The following ATRN variants were observed in gnomAD, a reference collection of about 807,000 sequenced individuals.
The protein encoded by ATRN is attractin-2.
In ATRN, 54 loss-of-function variants were observed where a neutral mutation model predicts 178.7. That is an observed-to-expected ratio of 0.30 (90% CI 0.24 to 0.38). The LOEUF (loss-of-function observed/expected upper bound fraction) is 0.38. Ranked by LOEUF, ATRN falls within the 10% of genes least tolerant of loss-of-function variation. ATRN has a pLI of 1.00. For synonymous variants in ATRN, 636 were observed against 663.0 expected (o/e 0.96, Z 0.63); for missense variants, 1,443 against 1,815.1 (o/e 0.79, Z 3.73).
intron 15 of ATRN, 42 bp downstream of exon 15, chr20:3,578,814 CT>C (rs775472482): frequency 3.8e-6 from 6 of 1,563,646 alleles, no homozygotes; most frequent in Non-Finnish European, 5.2e-6. Context: ...GGTTATCCAC[CT>C]TTCTACCAAG....
At chr20:3,640,748 G>C (rs1356654370) in intron 27 of ATRN, among the ~76,000 whole-genome samples, 2 of 152,196 alleles carry the variant, frequency 1.3e-5, no homozygotes, top group Admixed American at 1.3e-4. Context: ...TATATGATCT[G>C]GCAATCTGGG....
chr20:3,500,612 C>T (rs1176117636), intron 1 of ATRN, among the ~76,000 whole-genome samples: 3 of 146,956 alleles, frequency 2.0e-5, no homozygotes, highest in Non-Finnish European at 3.0e-5. Context: ...TGCATATTCT[C>T]ACTCATAGGT....
intron 24 of ATRN, among the ~76,000 whole-genome samples, chr20:3,618,307 A>G (rs75141958): frequency 0.021 from 3,215 of 152,250 alleles, 122 homozygotes; most frequent in African/African-American, 0.073. Context: ...CCTAAAATGG[A>G]TAGATCAGGA....
intron 1 of ATRN, among the ~76,000 whole-genome samples, chr20:3,523,919 T>C (rs1600071949): frequency 6.6e-6 from 1 of 152,062 alleles, no homozygotes; most frequent in Admixed American, 6.6e-5. Context: ...TGAAGGAAGC[T>C]CTAAATATGG....
At chr20:3,611,630 T>C (rs2086767985) in intron 24 of ATRN, among the ~76,000 whole-genome samples, 2 of 152,186 alleles carry the variant, frequency 1.3e-5, no homozygotes. Flanking sequence ...TAGTCCCAGC[T>C]ACTCAGGATA....
At chr20:3,541,702 A>G (rs567936651) in intron 3 of ATRN, among the ~76,000 whole-genome samples, 8 of 152,344 alleles carry the variant, frequency 5.3e-5, no homozygotes, top group South Asian at 2.1e-4. Flanking sequence ...TATGTGGTCC[A>G]TTGTTGACCA....
chr20:3,548,299 A>G (rs1038667620), intron 5 of ATRN, among the ~76,000 whole-genome samples: 23 of 152,154 alleles, frequency 1.5e-4, no homozygotes, highest in Non-Finnish European at 2.8e-4. Context: ...CAGGAAAAAA[A>G]CACAATAAAA....
At chr20:3,521,656 A>G (rs1408595189) in intron 1 of ATRN, among the ~76,000 whole-genome samples, 1 of 152,262 alleles carries the variant, frequency 6.6e-6, no homozygotes, top group Admixed American at 6.5e-5. Flanking sequence ...CATAATTGGT[A>G]CTTAGAGAAC....
At chr20:3,572,686 T>TA in intron 11 of ATRN, 45 bp from the exon 12 acceptor site, 2 of 1,530,984 alleles carry the variant, frequency 1.3e-6, no homozygotes, top group East Asian at 2.3e-5. Flanking sequence ...ATCCAATTGT[T>TA]ATCTGAGTCT....
Position 3,547,407 on chromosome 20 carries a change from T to C in ATRN, c.861T>C (p.Cys287=), listed in dbSNP as rs2085720450. Residue 287 remains cysteine (C), a synonymous_variant, in exon 5 of 29, where the codon TGT becomes TGC. Transcript: ENST00000262919. ...GTGAAGCATGTGACATTCCTCACTG[T>C]ACAGACAACTGTGGTTTTCCTCATC... ...WKGEACDIPH[C]TDNCGFPHRG... is the part of the protein sequence containing the mutation. The C allele has an allele frequency of 5.0e-6, 8 of 1,614,110 alleles. No homozygotes were observed. Among genetic ancestry groups the C allele is most frequent in the Middle Eastern group, 3.3e-4 (2 of 6,062 alleles).
rs1373808618 is a variant in ATRN, at chr20:3,559,487, A to G, written c.1203+4A>G. 1 of 1,606,792 alleles carries G rather than the reference A, an allele frequency of 6.2e-7. No individual in the cohort carries two copies. The highest frequency in any genetic ancestry group is 8.5e-7 in the Non-Finnish European group (1 of 1,173,480). ...TCATTCTTTGGCATTATACAAGGTA[A>G]AGCATCTCCACTCTGTGCTAAGCAA... is the stretch of plus-strand genomic sequence containing the variant. On this transcript the variant is annotated splice_donor_region_variant and intron_variant, in intron 7 of 28. Transcript: ENST00000262919.
Position 3,596,373 on chromosome 20 carries a change from C to A in ATRN, c.3417-4C>A, listed in dbSNP as rs1300743359. 1.2e-5 allele frequency: 19 copies of A among 1,612,144 alleles called. No homozygotes were observed. The highest frequency in any genetic ancestry group is 1.6e-5 in the Non-Finnish European group (19 of 1,178,678). On this transcript the variant is annotated splice_polypyrimidine_tract_variant and splice_region_variant and intron_variant, in intron 20 of 28. Coordinates refer to ENST00000262919, the MANE Select transcript of ATRN (RefSeq NM_139321.3). ...AGTATAAAATAGTCTTTTTTCCCCC[C>A]CAGATGTGAGGTAGAAAATCGATAC...
intron 24 of ATRN, among the ~76,000 whole-genome samples, chr20:3,622,092 G>A (rs1424598175): frequency 6.6e-6 from 1 of 152,170 alleles, no homozygotes; most frequent in Non-Finnish European, 1.5e-5. Context: ...ATTAAATAGA[G>A]CAAGATAAAG....
intron 15 of ATRN, 61 bp from the exon 16 acceptor site, chr20:3,582,074 C>T (rs918119369): frequency 1.3e-5 from 19 of 1,490,458 alleles, no homozygotes; most frequent in Non-Finnish European, 1.8e-5. Flanking sequence ...ACTCCATCTC[C>T]AAAATTTAAA....
chr20:3,628,762 GGT>G (rs1441636223), intron 25 of ATRN: 13 of 429,266 alleles, frequency 3.0e-5, no homozygotes, highest in African/African-American at 2.4e-4. Context: ...TTGACTTCTC[GGT>G]GATATCAACC....
At position 3,632,281 on chromosome 20, in the gene ATRN, T is replaced by G. The variant is rs1433027977; in HGVS notation, c.3864-2030T>G. Among the ~76,000 whole-genome samples the G allele has an allele frequency of 6.6e-6, 1 of 152,106 alleles. No homozygotes were observed. Among genetic ancestry groups the G allele is most frequent in the African/African-American group, 2.4e-5 (1 of 41,412 alleles). On this transcript the variant is annotated intron_variant, in intron 25 of 28. Coordinates refer to ENST00000262919, the MANE Select transcript of ATRN (RefSeq NM_139321.3). The surrounding 1 kb of genome is among the most constrained non-coding windows in gnomAD (Gnocchi z 4.2). ...GTCTCCCTGATAATGCCATTGCACC[T>G]CTAATGGTTTTCTCAGCAAACGTTA...
At chr20:3,481,776 TA>T (rs2084624881) in intron 1 of ATRN, among the ~76,000 whole-genome samples, 1 of 150,632 alleles carries the variant, frequency 6.6e-6, no homozygotes, top group African/African-American at 2.4e-5. Context: ...TTAATTTTAG[TA>T]ATGGGTGAAT....
At chr20:3,549,872 T>C (rs2085761784) in intron 6 of ATRN, among the ~76,000 whole-genome samples, 1 of 152,216 alleles carries the variant, frequency 6.6e-6, no homozygotes, top group Non-Finnish European at 1.5e-5. Context: ...CTAGGCATTT[T>C]CTATTAATGA....
In ATRN at chr20:3,609,807, A is replaced by G. The variant is rs555346431; in HGVS notation, c.3801+5545A>G. On this transcript the variant is annotated intron_variant, in intron 24 of 28. Coordinates refer to ENST00000262919, the MANE Select transcript of ATRN (RefSeq NM_139321.3). ...GGAATGAAATTCTGATACATGCGAC[A>G]ACACAAGTGAACCTTGAAAACATGC... 2.6e-5 allele frequency among the ~76,000 whole-genome samples: 4 copies of G among 152,192 alleles called. No homozygotes were observed. The East Asian group carries it at 7.7e-4, about 29-fold the overall frequency.
Sources: gnomAD v4.1 joint callset for allele counts (sites outside exome capture counted in the v4.1 genomes callset) on GRCh38, gnomAD v4.1.1 for gene constraint, Gnocchi (gnomAD v3.1) non-coding constraint, MANE v1.5 for transcripts, NCBI Gene and HGNC (gene_info 2026-07-23, HGNC 2026-07-21) for gene names.